Variants in KIF17 observed in about 807,000 individuals in gnomAD.
KIF17 encodes the protein kinesin-like protein KIF17.
A neutral mutation model predicts 96.8 loss-of-function variants in KIF17; 80 were observed. The ratio of observed to expected loss-of-function variants is 0.83; its 90% CI spans 0.69 to 1.00. KIF17 has a LOEUF of 1.00. KIF17 is among the 50% of genes least tolerant of loss of function. The probability of loss-of-function intolerance (pLI) is 0.00; values close to 1 mark genes in which losing one functional copy is unlikely to be tolerated. For synonymous variants in KIF17, 567 were observed against 587.5 expected (o/e 0.97, Z 0.51); for missense variants, 1,280 against 1,372.9 (o/e 0.93, Z 1.07).
chr1:20,713,642 C>T, intron 2 of KIF17, 87 bp from the exon 3 acceptor site: 2 of 944,744 alleles, frequency 2.1e-6, no homozygotes, highest in Non-Finnish European at 3.3e-6. Flanking sequence ...GGGCCCTCTG[C>T]CACCAGGACA....
downstream of KIF17, among the ~76,000 whole-genome samples, chr1:20,662,581 C>G (rs1343384157): frequency 6.6e-6 from 1 of 152,162 alleles, no homozygotes; most frequent in African/African-American, 2.4e-5. Context: ...CTTCCACCCT[C>G]GACACACAGT....
chr1:20,713,685 G>A (rs1557607971), intron 2 of KIF17, 130 bp from the exon 3 acceptor site: 1 of 744,518 alleles, frequency 1.3e-6, no homozygotes, highest in Non-Finnish European at 2.3e-6. Context: ...GGGGCAAGAG[G>A]AGTCTCCAAC....
Position 20,690,217 on chromosome 1 carries a change from G to C in KIF17, c.1352C>G (p.Thr451Arg). ...CTCCTTCCGCAGGTTCTCCTCCAGC[G>C]TGGACAGCCTGACGTCATATGAGTT... is the stretch of plus-strand genomic sequence containing the variant. ...MRNSYDVRLS[T>R]LEENLRKETE... The change falls in exon 7 of 15, where the codon ACG becomes AGG. Residue 451 changes from threonine (T) to arginine (R), a missense_variant. Thr to Arg is a moderately conservative substitution (Grantham distance 71). Coordinates refer to ENST00000400463, the MANE Select transcript of KIF17 (RefSeq NM_001122819.3). The C allele has an allele frequency of 6.2e-7, 1 of 1,614,118 alleles. No individual in the cohort carries two copies. The highest frequency in any genetic ancestry group is 8.5e-7 in the Non-Finnish European group (1 of 1,180,032).
At chr1:20,714,796 CAA>C (rs34182653) in intron 2 of KIF17, among the ~76,000 whole-genome samples, 5 of 107,642 alleles carry the variant, frequency 4.6e-5, no homozygotes, top group Admixed American at 1.0e-4. Context: ...GACTCCGTCT[CAA>C]AAAAAAAAAA....
Position 20,684,885 on chromosome 1 carries a change from C to T in KIF17, c.2155G>A (p.Glu719Lys), listed in dbSNP as rs1174552890. 2 of 1,598,208 alleles carry T rather than the reference C, an allele frequency of 1.3e-6. No individual in the cohort carries two copies. ...PLPATAGVKR[E>K]SVGMEVAVLT... ...ACTGCCACCTCCATGCCCACGCTCT[C>T]CCTCTTCACACCAGCTGTGGCCGGC... The change falls in exon 10 of 15, where the codon GAG becomes AAG. Residue 719 changes from glutamate to lysine, a missense_variant. Coordinates refer to ENST00000400463, the MANE Select transcript of KIF17 (RefSeq NM_001122819.3).
rs1046932633 is a variant in KIF17 at position 20,704,050 on chromosome 1, C to T, written c.1123+397G>A. Among the ~76,000 whole-genome samples the T allele has an allele frequency of 4.6e-5, 7 of 152,048 alleles. No individual in the cohort carries two copies. The highest frequency in any genetic ancestry group is 9.7e-5 in the African/African-American group (4 of 41,402). ...GCGCAAAAGCTGCAGTAACAAGGTGCCTGCGAGGAGCAGGTGTGGCCGTGG... is the reference window on the plus strand; with the variant it reads ...GCGCAAAAGCTGCAGTAACAAGGTGTCTGCGAGGAGCAGGTGTGGCCGTGG... On this transcript the variant is annotated intron_variant, in intron 5 of 14. Transcript: ENST00000400463. The surrounding 1 kb of genome is among the most constrained non-coding windows in gnomAD (Gnocchi z 6.8).
chr1:20,687,336 G>C lies in KIF17; in HGVS notation c.1938+52C>G. On this transcript the variant is annotated intron_variant, in intron 8 of 14. Transcript: ENST00000400463. The surrounding 1 kb of genome is among the most constrained non-coding windows in gnomAD (Gnocchi z 4.4). ...GTGCACAGTGAGCTCCGGGCCCTGGGCAAGCTCTGCCTGCTCAGTGTTCAC... is the reference window on the plus strand; with the variant it reads ...GTGCACAGTGAGCTCCGGGCCCTGGCCAAGCTCTGCCTGCTCAGTGTTCAC... 1 of 1,597,864 alleles carries C rather than the reference G, an allele frequency of 6.3e-7. No individual in the cohort carries two copies. Among genetic ancestry groups the C allele is most frequent in the Non-Finnish European group, 8.6e-7 (1 of 1,167,412 alleles).
At position 20,704,754 on chromosome 1, in the gene KIF17, A is replaced by G. The variant is rs752548296; in HGVS notation, c.816T>C (p.Asn272=). ...KINLSLSALG[N]VISALVDGRC... The stretch of plus-strand genomic sequence containing the variant: ...GCCCGTCCACCAGCGCCGAGATGAC[A>G]TTGCCCAGTGCCGAGAGCGACAGGT... The change falls in exon 5 of 15, where the codon AAT becomes AAC. Residue 272 remains asparagine (N), a synonymous_variant. Coordinates refer to ENST00000400463, the MANE Select transcript of KIF17 (RefSeq NM_001122819.3). This position sits in a 1 kb window ranked among gnomAD's most constrained non-coding sequence, Gnocchi z 6.8. The G allele has an allele frequency of 1.9e-6, 3 of 1,612,316 alleles. No homozygotes were observed. Among genetic ancestry groups the G allele is most frequent in the African/African-American group, 1.3e-5 (1 of 74,850 alleles).
rs138517517 is a variant in KIF17 at position 20,690,303 on chromosome 1, G to C, written c.1266C>G (p.Ala422=). The C allele has an allele frequency of 2.5e-6, 4 of 1,575,364 alleles. No individual in the cohort carries two copies. The Admixed American group carries it at 5.1e-5, about 20-fold the overall frequency. The change falls in exon 7 of 15, where the codon GCC becomes GCG. Residue 422 remains alanine (A), a synonymous_variant. Transcript: ENST00000400463. ...GAGACTCCTGCTCGGCCTTATAGTC[G>C]GCTTTCAGCCGGGCCAGGCGCTCTT... ...EYEERLARLK[A]DYKAEQESRA...
intron 5 of KIF17, among the ~76,000 whole-genome samples, chr1:20,701,920 A>G (rs1235191619): frequency 6.6e-6 from 1 of 152,200 alleles, no homozygotes; most frequent in Admixed American, 6.5e-5. Context: ...AAAGGGAAAA[A>G]GAGGGATATG....
intron 1 of KIF17, among the ~76,000 whole-genome samples, chr1:20,716,986 C>T (rs972659463): frequency 6.6e-6 from 1 of 152,142 alleles, no homozygotes; most frequent in Non-Finnish European, 1.5e-5. Context: ...ACTGCAAAGA[C>T]CCATGCTGTA....
downstream of KIF17, chr1:20,661,676 T>G: frequency 4.6e-6 from 2 of 437,116 alleles, no homozygotes. Context: ...CAGGCCGGCC[T>G]CCCGCCCCCT....
rs1330192494 is a variant in KIF17 at position 20,682,528 on chromosome 1, A to T, written c.2463+125T>A. On this transcript the variant is annotated intron_variant, in intron 11 of 14. Transcript: ENST00000400463. ...GTCTCTAAAAATAAATAATAAATGC[A>T]TGCATGCCTGCTGTGTAAAGAGTAG... The T allele has an allele frequency of 1.3e-4, 98 of 777,942 alleles. 1 individual carries two copies. The South Asian group carries it at 1.4e-3, about 11-fold the overall frequency. 48.2% of individuals were successfully genotyped at this position (777,942 alleles called of 1,614,324 possible).
chr1:20,715,765 T>A, intron 1 of KIF17, 126 bp from the exon 2 acceptor site: 1 of 1,136,644 alleles, frequency 8.8e-7, no homozygotes, highest in Non-Finnish European at 1.3e-6. Context: ...CACTGGACTG[T>A]GGAGATAAAC....
Position 20,690,352 on chromosome 1 carries a change from G to GGCCCCCC in KIF17, c.1234-18_1234-17insGGGGGGC. The GGCCCCCC allele has an allele frequency of 1.4e-4, 62 of 450,606 alleles. No homozygotes were observed. Among genetic ancestry groups the GGCCCCCC allele is most frequent in the Non-Finnish European group, 1.8e-4 (43 of 234,736 alleles). 27.9% of individuals were successfully genotyped at this position (450,606 alleles called of 1,614,324 possible). ...TTCATACTCCTGGGGGGGTGGGAGG[G>GGCCCCCC]ACCAGAGGGCAGGCAGCATTTTATC... On this transcript the variant is annotated splice_polypyrimidine_tract_variant and intron_variant, in intron 6 of 14. Transcript: ENST00000400463.
chr1:20,697,807 C>T (rs531292218), intron 6 of KIF17, among the ~76,000 whole-genome samples: 4 of 152,326 alleles, frequency 2.6e-5, no homozygotes, highest in African/African-American at 9.6e-5. Context: ...GGATCAGCTC[C>T]GCCTCTGGAA....
At chr1:20,717,389 T>C (rs1042338785) in intron 1 of KIF17, 87 bp downstream of exon 1, 17 of 1,498,416 alleles carry the variant, frequency 1.1e-5, no homozygotes, top group Non-Finnish European at 1.3e-5. Flanking sequence ...CCTTTCCTCC[T>C]GGCTGGGGGG....
rs539432229 is a variant in KIF17, at chr1:20,692,352, T to C, written c.1234-2017A>G. 4.6e-5 allele frequency among the ~76,000 whole-genome samples: 7 copies of C among 151,788 alleles called. 1 individual carries two copies. Among genetic ancestry groups the C allele is most frequent in the East Asian group, 1.9e-4 (1 of 5,178 alleles). On this transcript the variant is annotated intron_variant, in intron 6 of 14. Coordinates refer to ENST00000400463, the MANE Select transcript of KIF17 (RefSeq NM_001122819.3). Reference sequence around the variant, plus strand: ...CCCTTCCTCTATTGCTTTTTTTTTTTCCTCTGGAGACAGAGTATCGCTCTG... The same window carrying C: ...CCCTTCCTCTATTGCTTTTTTTTTTCCCTCTGGAGACAGAGTATCGCTCTG...
intron 11 of KIF17, among the ~76,000 whole-genome samples, chr1:20,678,055 G>A (rs1013424650): frequency 2.6e-5 from 4 of 152,188 alleles, no homozygotes; most frequent in Non-Finnish European, 4.4e-5. Context: ...CCCGACACTG[G>A]GTAATTTATA....
Sources: gnomAD v4.1 joint callset for allele counts (sites outside exome capture counted in the v4.1 genomes callset) on GRCh38, gnomAD v4.1.1 for gene constraint, Gnocchi (gnomAD v3.1) non-coding constraint, MANE v1.5 for transcripts, NCBI Gene and HGNC (gene_info 2026-07-23, HGNC 2026-07-21) for gene names.